Variants in CELSR1 observed in about 807,000 individuals in gnomAD.
CELSR1 encodes the protein adhesion G protein-coupled receptor C1.
A neutral mutation model predicts 249.1 loss-of-function variants in CELSR1; 110 were observed. The ratio of observed to expected loss-of-function variants is 0.44; its 90% CI spans 0.38 to 0.52. The LOEUF (loss-of-function observed/expected upper bound fraction) is 0.52. CELSR1 is among the 20% of genes least tolerant of loss of function. The pLI is 0.00. For missense variants in CELSR1, 4,109 were observed against 4,296.4 expected, an observed-to-expected ratio of 0.96 and a Z score of 1.22; for synonymous variants, 2,113 against 1,900.0, an observed-to-expected ratio of 1.11 and a Z score of -2.92.
chr22:46,508,175 C>T (rs1050891246), intron 1 of CELSR1, among the ~76,000 whole-genome samples: 5 of 152,136 alleles, frequency 3.3e-5, no homozygotes, highest in African/African-American at 1.2e-4. Context: ...CACCAGCTGA[C>T]CCCCTCCCAC....
In CELSR1 at chr22:46,535,838, C is replaced by G; in HGVS notation, c.1333G>C (p.Val445Leu). The stretch of plus-strand genomic sequence containing the variant: ...TTCTCGTCCTCCACCTCGATGTACA[C>G]GGTGGCCGTGGCACTGAGCGGGCCC... The part of the protein sequence containing the change: ...NPGPLSATAT[V>L]YIEVEDENDN... Residue 445 changes from valine (V) to leucine (L), a missense_variant, in exon 1 of 35, where the codon GTG (valine) becomes CTG (leucine). By Grantham distance (32) the Val-to-Leu change is conservative. Coordinates refer to ENST00000674500, the MANE Select transcript of CELSR1 (RefSeq NM_001378328.1). 2 of 1,611,844 alleles carry G rather than the reference C, an allele frequency of 1.2e-6. No homozygotes were observed. Among genetic ancestry groups the G allele is most frequent in the African/African-American group, 2.7e-5 (2 of 75,062 alleles).
chr22:46,451,076 G>T (rs1055833235), intron 2 of CELSR1, among the ~76,000 whole-genome samples: 2 of 152,048 alleles, frequency 1.3e-5, no homozygotes, highest in Non-Finnish European at 2.9e-5. Flanking sequence ...AGCTCCCACC[G>T]GGAACTGCTG....
rs760265362 is a variant in CELSR1, at chr22:46,411,612, C to T, written c.4759G>A (p.Gly1587Ser). 37 of 1,614,026 alleles carry T rather than the reference C, an allele frequency of 2.3e-5. No individual in the cohort carries two copies. Among genetic ancestry groups the T allele is most frequent in the East Asian group, 8.9e-5 (4 of 44,888 alleles). The change falls in exon 6 of 35, where the codon GGC (glycine) becomes AGC (serine). Residue 1587 changes from glycine to serine, a missense_variant. Physicochemically the swap from Gly to Ser is moderately conservative, Grantham distance 56. This residue lies in a region of CELSR1 where 453 missense variants were observed against 492.0 expected (regional missense o/e 0.92). Transcript: ENST00000674500. This position sits in a 1 kb window ranked among gnomAD's most constrained non-coding sequence, Gnocchi z 4.2. ...TCCTGGGATGCTCACTTCTTGGAGC[C>T]GGTCTGAGTGCCCTGGGCAGCGCAG... ...YSCAAQGTQT[G>S]SKKSLDLTGP...
At chr22:46,421,539 G>A (rs188286517) in intron 5 of CELSR1, among the ~76,000 whole-genome samples, 35 of 152,240 alleles carry the variant, frequency 2.3e-4, no homozygotes, top group African/African-American at 7.2e-4. Context: ...GTTTGGGAAC[G>A]GAAACCAAGT....
At position 46,408,056 on chromosome 22, in the gene CELSR1, C is replaced by A. The variant is rs563644949; in HGVS notation, c.5226+940G>T. Among the ~76,000 whole-genome samples the A allele has an allele frequency of 3.3e-5, 5 of 150,048 alleles. No homozygotes were observed. The East Asian group carries it at 7.7e-4, about 23-fold the overall frequency. On this transcript the variant is annotated intron_variant, in intron 9 of 34. Transcript: ENST00000674500. The surrounding 1 kb of genome is among the most constrained non-coding windows in gnomAD (Gnocchi z 4.6). ...CGATGACAGAAGACAGGGCTCATAACTGTTTCTCAAACAAAGTGTCTACGG... is the reference window on the plus strand; with the variant it reads ...CGATGACAGAAGACAGGGCTCATAAATGTTTCTCAAACAAAGTGTCTACGG...
rs1368207376 is a variant in CELSR1 at position 46,381,220 on chromosome 22, AG to A, written c.7089-266del. Among the ~76,000 whole-genome samples the A allele has an allele frequency of 2.6e-5, 4 of 152,204 alleles. No individual in the cohort carries two copies. Among genetic ancestry groups the A allele is most frequent in the Admixed American group, 2.6e-4 (4 of 15,282 alleles). On this transcript the variant is annotated intron_variant, in intron 21 of 34. Coordinates refer to ENST00000674500, the MANE Select transcript of CELSR1 (RefSeq NM_001378328.1). The surrounding 1 kb of genome is among the most constrained non-coding windows in gnomAD (Gnocchi z 6.0). ...AAAGAAAGAGAAGGCACAGGTGCAA[AG>A]ATGTCACAGCCCATAATAGCTAATG...
intron 12 of CELSR1, 146 bp downstream of exon 12, chr22:46,397,528 C>T (rs2079162311): frequency 1.3e-5 from 9 of 709,160 alleles, no homozygotes; most frequent in Non-Finnish European, 1.9e-5. Context: ...CTAGGAGGGG[C>T]CCGCTTGTTA....
chr22:46,530,861 G>C (rs1171060663), intron 1 of CELSR1, among the ~76,000 whole-genome samples: 1 of 152,124 alleles, frequency 6.6e-6, no homozygotes, highest in African/African-American at 2.4e-5. Context: ...TCCTGGAATG[G>C]CTCCCACTAA....
chr22:46,363,516 C>T lies in CELSR1; in HGVS notation c.9036-269G>A. ...TAGAAACCGGCCATCTCTACAGTGACTTTTGGAAGGGGCATTCTGAAGACC... is the reference window on the plus strand; with the variant it reads ...TAGAAACCGGCCATCTCTACAGTGATTTTTGGAAGGGGCATTCTGAAGACC... On this transcript the variant is annotated intron_variant, in intron 34 of 34. Transcript: ENST00000674500. The surrounding 1 kb of genome is among the most constrained non-coding windows in gnomAD (Gnocchi z 4.3). 2.5e-6 allele frequency: 1 copy of T among 400,244 alleles called. No individual in the cohort carries two copies. Among genetic ancestry groups the T allele is most frequent in the East Asian group, 4.6e-5 (1 of 21,770 alleles). 24.8% of individuals were successfully genotyped at this position (400,244 alleles called of 1,614,324 possible).
rs1180227429 is a variant in CELSR1 at position 46,522,452 on chromosome 22, C to CG, written c.3544+11174_3544+11175insC. Reference sequence around the variant, plus strand: ...CCTGTTGACTAATGACTCTGAGCATCTTTTTTTGTGCTTATTGGCCACTTG... The same window carrying CG: ...CCTGTTGACTAATGACTCTGAGCATCGTTTTTTTGTGCTTATTGGCCACTTG... On this transcript the variant is annotated intron_variant, in intron 1 of 34. Transcript: ENST00000674500. Among the ~76,000 whole-genome samples, 5 of 152,236 alleles carry CG rather than the reference C, an allele frequency of 3.3e-5. No individual in the cohort carries two copies. In the East Asian group the frequency reaches 9.6e-4, roughly 29 times the overall value.
At chr22:46,444,905 C>T (rs1265940193) in intron 2 of CELSR1, among the ~76,000 whole-genome samples, 1 of 152,220 alleles carries the variant, frequency 6.6e-6, no homozygotes, top group Non-Finnish European at 1.5e-5. Context: ...CCCTCTCCTT[C>T]CTGTTATTAA....
chr22:46,535,377 G>A lies in CELSR1; in HGVS notation c.1794C>T (p.Ala598=). 6.2e-7 allele frequency: 1 copy of A among 1,611,836 alleles called. No homozygotes were observed. The highest frequency in any genetic ancestry group is 1.3e-5 in the African/African-American group (1 of 75,046). ...TGTCCACCAGGCGATAGTGCAGCCGGGCGTTCTCTCCAGAGTCCGCGTCCA... is the reference window on the plus strand; with the variant it reads ...TGTCCACCAGGCGATAGTGCAGCCGAGCGTTCTCTCCAGAGTCCGCGTCCA... ...QAVDADSGEN[A]RLHYRLVDTA... The change falls in exon 1 of 35, where the codon GCC becomes GCT. Residue 598 remains alanine (A), a synonymous_variant. Coordinates refer to ENST00000674500, the MANE Select transcript of CELSR1 (RefSeq NM_001378328.1).
chr22:46,484,434 C>T lies in CELSR1; in HGVS notation c.3545-20089G>A, dbSNP rs2080295478. Among the ~76,000 whole-genome samples, 1 of 152,040 alleles carries T rather than the reference C, an allele frequency of 6.6e-6. No homozygotes were observed. The highest frequency in any genetic ancestry group is 6.6e-5 in the Admixed American group (1 of 15,262). ...CACCCCTCCTAGGCCTGAAATGTGT[C>T]CCCACTCAGGGGCCCTGAAATCCCT... On this transcript the variant is annotated intron_variant, in intron 1 of 34. Coordinates refer to ENST00000674500, the MANE Select transcript of CELSR1 (RefSeq NM_001378328.1). This position sits in a 1 kb window ranked among gnomAD's most constrained non-coding sequence, Gnocchi z 4.5.
chr22:46,504,994 G>A (rs1157407327), intron 1 of CELSR1, among the ~76,000 whole-genome samples: 4 of 152,210 alleles, frequency 2.6e-5, no homozygotes, highest in East Asian at 1.9e-4. Context: ...CGGGTGCGGC[G>A]GCTCACGCCT....
chr22:46,363,160 T>TG lies in CELSR1; in HGVS notation c.*62dup, dbSNP rs557158614. 124 of 1,613,700 alleles carry TG rather than the reference T, an allele frequency of 7.7e-5. 1 individual carries two copies. In the South Asian group the frequency reaches 1.3e-3, roughly 17 times the overall value. On this transcript the variant is annotated 3_prime_UTR_variant, in exon 35 of 35. Coordinates refer to ENST00000674500, the MANE Select transcript of CELSR1 (RefSeq NM_001378328.1). This position sits in a 1 kb window ranked among gnomAD's most constrained non-coding sequence, Gnocchi z 4.3. The stretch of plus-strand genomic sequence containing the variant: ...TCTGAGGGTGATGCCGCAGCCTGTG[T>TG]GGGGTGACGGGCTTGCCTCACGGTT...
rs951610274 is a variant in CELSR1, at chr22:46,406,339, A to AAG, written c.5226+2656_5226+2657insCT. 1.3e-5 allele frequency among the ~76,000 whole-genome samples: 2 copies of AAG among 152,224 alleles called. No individual in the cohort carries two copies. Among genetic ancestry groups the AAG allele is most frequent in the African/African-American group, 4.8e-5 (2 of 41,470 alleles). On this transcript the variant is annotated intron_variant, in intron 9 of 34. Coordinates refer to ENST00000674500, the MANE Select transcript of CELSR1 (RefSeq NM_001378328.1). The surrounding 1 kb of genome is among the most constrained non-coding windows in gnomAD (Gnocchi z 5.4). ...TAACAAGGGCCCACAGGCCAGCTGT[A>AAG]ATCATCCCTGGCGCACACCACACCT...
At chr22:46,457,152 T>C (rs778596226) in intron 2 of CELSR1, among the ~76,000 whole-genome samples, 12 of 152,066 alleles carry the variant, frequency 7.9e-5, no homozygotes, top group Non-Finnish European at 1.3e-4. Context: ...CGAGAACAGC[T>C]TGGCCAACAT....
rs1429400932 is a variant in CELSR1 at position 46,506,909 on chromosome 22, A to G, written c.3544+26718T>C. On this transcript the variant is annotated intron_variant, in intron 1 of 34. Coordinates refer to ENST00000674500, the MANE Select transcript of CELSR1 (RefSeq NM_001378328.1). This position sits in a 1 kb window ranked among gnomAD's most constrained non-coding sequence, Gnocchi z 4.1. ...CCTTTTTTCCAACACATAAAAACCGATTCCAGGCGGGGCGTGGTGGCTCAC... is the reference window on the plus strand; with the variant it reads ...CCTTTTTTCCAACACATAAAAACCGGTTCCAGGCGGGGCGTGGTGGCTCAC... Among the ~76,000 whole-genome samples the G allele has an allele frequency of 6.6e-6, 1 of 152,132 alleles. No homozygotes were observed. The highest frequency in any genetic ancestry group is 1.9e-4 in the East Asian group (1 of 5,176).
intron 1 of CELSR1, among the ~76,000 whole-genome samples, chr22:46,515,319 C>A (rs1021154175): frequency 3.9e-5 from 6 of 152,380 alleles, no homozygotes; most frequent in Admixed American, 6.5e-5. Flanking sequence ...GGAACCACAG[C>A]CCAGCGGTCT....
Sources: allele counts gnomAD v4.1 joint callset (sites outside exome capture counted in the v4.1 genomes callset), GRCh38; gene constraint gnomAD v4.1.1; regional missense constraint gnomAD v4.1.1; non-coding constraint Gnocchi (gnomAD v3.1); transcripts MANE v1.5; gene names NCBI Gene and HGNC (gene_info 2026-07-23, HGNC 2026-07-21).